GLRA2: variants seen among roughly 807,000 people sequenced by gnomAD.
GLRA2 encodes glycine receptor subunit alpha-2.
GLRA2 carries 11 observed loss-of-function variants against 31.6 expected under a neutral mutation model. The ratio of observed to expected loss-of-function variants is 0.35; its 90% CI spans 0.22 to 0.58. The LOEUF is 0.58. GLRA2 is among the 20% of genes least tolerant of loss of function. The pLI is 0.84. For missense variants in GLRA2, 212 were observed against 351.8 expected, an observed-to-expected ratio of 0.60 and a Z score of 3.18; for synonymous variants, 132 against 134.0, an observed-to-expected ratio of 0.99 and a Z score of 0.10.
intron 8 of GLRA2, among the ~76,000 whole-genome samples, chrX:14,716,809 A>G (rs916907931): frequency 1.8e-5 from 2 of 111,304 alleles, no homozygotes; most frequent in Admixed American, 1.9e-4. Context: ...AAAAAGAAAA[A>G]TGGAAATTAA....
chrX:14,579,504 A>AT (rs1273716982), intron 3 of GLRA2, among the ~76,000 whole-genome samples: 1 of 110,790 alleles, frequency 9.0e-6, no homozygotes, highest in Non-Finnish European at 1.9e-5. Context: ...TAATTTTTGT[A>AT]TTTTTAGTAG....
chrX:14,640,152 T>C (rs1036092824), intron 7 of GLRA2, among the ~76,000 whole-genome samples: 8 of 108,186 alleles, frequency 7.4e-5, no homozygotes, highest in African/African-American at 2.7e-4. Context: ...TTTGTGTTTA[T>C]TTTTTTTTTA....
At chrX:14,639,369 G>A (rs1481031975) in intron 7 of GLRA2, among the ~76,000 whole-genome samples, 2 of 111,672 alleles carry the variant, frequency 1.8e-5, no homozygotes, top group Non-Finnish European at 3.8e-5. Context: ...TGTTCAATAT[G>A]TATTTGTTGA....
chrX:14,567,113 T>C (rs1042876123), intron 2 of GLRA2, among the ~76,000 whole-genome samples: 22 of 111,980 alleles, frequency 2.0e-4, no homozygotes, highest in Admixed American at 5.7e-4. Context: ...CCAAGTCTCT[T>C]AGCTGCTGGG....
At chrX:14,609,770 A>C (rs1416734517) in intron 7 of GLRA2, among the ~76,000 whole-genome samples, 1 of 111,224 alleles carries the variant, frequency 9.0e-6, no homozygotes, top group Non-Finnish European at 1.9e-5. Flanking sequence ...ATATGCTACT[A>C]TTTTTGAGTG....
the GLRA2 span, among the ~76,000 whole-genome samples, chrX:14,461,722 T>C: frequency 8.9e-6 from 1 of 112,008 alleles, no homozygotes; most frequent in Non-Finnish European, 1.9e-5. Flanking sequence ...TCCATCCTTT[T>C]ATTTTGAGCG....
At chrX:14,558,735 G>C (rs1366220734) in intron 2 of GLRA2, among the ~76,000 whole-genome samples, 4 of 111,612 alleles carry the variant, frequency 3.6e-5, no homozygotes, top group African/African-American at 1.3e-4. Flanking sequence ...TTGACAACTG[G>C]TGGCCATTTG....
chrX:14,685,652 C>G (rs192851971), intron 7 of GLRA2, among the ~76,000 whole-genome samples: 2 of 111,484 alleles, frequency 1.8e-5, no homozygotes, highest in African/African-American at 6.5e-5. Context: ...TCTGTGGGAT[C>G]GGTGGTGATA....
chrX:14,586,899 AT>A (rs901769818), intron 4 of GLRA2, among the ~76,000 whole-genome samples: 37 of 111,681 alleles, frequency 3.3e-4, no homozygotes, highest in South Asian at 3.7e-4. Context: ...TTATAGAAGG[AT>A]TTTTTTTAAA....
intron 2 of GLRA2, among the ~76,000 whole-genome samples, chrX:14,540,713 C>A (rs1320560761): frequency 1.8e-5 from 2 of 110,975 alleles, no homozygotes; most frequent in Non-Finnish European, 3.8e-5. Flanking sequence ...GATATATTAT[C>A]CCAATAGATA....
chrX:14,706,337 CAG>C (rs762529803), intron 8 of GLRA2, among the ~76,000 whole-genome samples: 12 of 111,935 alleles, frequency 1.1e-4, no homozygotes, highest in South Asian at 3.8e-4. Flanking sequence ...GAATATATCG[CAG>C]AGAGTCCACT....
In GLRA2 at chrX:14,613,885, T is replaced by C. The variant is rs2090427827; in HGVS notation, c.930+4680T>C. On this transcript the variant is annotated intron_variant, in intron 7 of 8. Coordinates refer to ENST00000218075, the MANE Select transcript of GLRA2 (RefSeq NM_002063.4). ...GATTCTATAGATTCTCAGTACTATA[T>C]GCTATGCTATTAGACCTGGAATGTA... Among the ~76,000 whole-genome samples, 7 of 111,699 alleles carry C rather than the reference T, an allele frequency of 6.3e-5. No individual in the cohort carries two copies. In the Admixed American group the frequency reaches 6.7e-4, roughly 11 times the overall value.
intron 8 of GLRA2, among the ~76,000 whole-genome samples, chrX:14,716,741 A>G (rs1197448780): frequency 8.9e-6 from 1 of 111,874 alleles, no homozygotes; most frequent in African/African-American, 3.3e-5. Flanking sequence ...ATCAAAACCC[A>G]GAGTCCTTGG....
At chrX:14,717,390 AATTCTT>A (rs1346977485) in intron 8 of GLRA2, among the ~76,000 whole-genome samples, 1 of 110,383 alleles carries the variant, frequency 9.1e-6, no homozygotes, top group African/African-American at 3.3e-5. Flanking sequence ...ACCTAGGCTT[AATTCTT>A]ATATATACTC....
At chrX:14,517,037 TG>T in the GLRA2 span, among the ~76,000 whole-genome samples, 1 of 112,325 alleles carries the variant, frequency 8.9e-6, no homozygotes, top group African/African-American at 3.2e-5. Flanking sequence ...AGTAAGTTTT[TG>T]GATAGTTTAT....
intron 2 of GLRA2, among the ~76,000 whole-genome samples, chrX:14,539,717 A>G (rs1471053242): frequency 8.9e-6 from 1 of 112,057 alleles, no homozygotes; most frequent in Non-Finnish European, 1.9e-5. Flanking sequence ...TAAATTCTGG[A>G]TTCAGTAAAA....
intron 3 of GLRA2, among the ~76,000 whole-genome samples, chrX:14,578,042 T>C (rs893397033): frequency 2.7e-5 from 3 of 111,885 alleles, no homozygotes; most frequent in African/African-American, 9.7e-5. Flanking sequence ...AGTTTTGATT[T>C]CTCTACATTT....
At chrX:14,464,065 C>A in the GLRA2 span, among the ~76,000 whole-genome samples, 1 of 112,258 alleles carries the variant, frequency 8.9e-6, no homozygotes, top group Non-Finnish European at 1.9e-5. Context: ...TGTTTGAGTT[C>A]TTTGTATATT....
At chrX:14,481,521 C>T in the GLRA2 span, among the ~76,000 whole-genome samples, 11 of 111,249 alleles carry the variant, frequency 9.9e-5, no homozygotes, top group Non-Finnish European at 1.5e-4. Context: ...TTGAGCTCTT[C>T]GACATTTTAA....
Sources: allele counts gnomAD v4.1 joint callset (sites outside exome capture counted in the v4.1 genomes callset), GRCh38; gene constraint gnomAD v4.1.1; transcripts MANE v1.5; gene names NCBI Gene and HGNC (gene_info 2026-07-23, HGNC 2026-07-21).